NEB: variants seen among roughly 807,000 people sequenced by gnomAD.
The protein encoded by NEB is nebulin.
Under a neutral mutation model 952.2 loss-of-function variants are expected in NEB, and 512 were observed. That is an observed-to-expected ratio of 0.54 (90% CI 0.50 to 0.58). NEB has a LOEUF of 0.58. Ranked by LOEUF, NEB falls within the 20% of genes least tolerant of loss-of-function variation. NEB has a pLI of 0.00. For missense variants in NEB, 8,428 were observed against 9,231.1 expected (o/e 0.91, Z 3.56); for synonymous variants, 2,900 against 3,149.8 (o/e 0.92, Z 2.66).
chr2:151,542,968 T>G (rs1366113846), intron 135 of NEB, among the ~76,000 whole-genome samples: 1 of 152,210 alleles, frequency 6.6e-6, no homozygotes, highest in African/African-American at 2.4e-5. Context: ...TTACTGGAAC[T>G]CATTATGGCT....
rs1038337047 is a variant in NEB, at chr2:151,631,445, A to G, written c.9415-99T>C. On this transcript the variant is annotated intron_variant, in intron 65 of 181. Coordinates refer to ENST00000397345, the MANE Select transcript of NEB (RefSeq NM_001164508.2). ...GTAATAAAGTGCAATTCTGTTTTCT[A>G]TTCGTAGAAAACAAGCGCGTTGTAT... is the stretch of plus-strand genomic sequence containing the variant. The G allele has an allele frequency of 3.0e-6, 4 of 1,324,214 alleles. No individual in the cohort carries two copies. The African/African-American group carries it at 5.9e-5, about 20-fold the overall frequency. The allele number at this position is 1,324,214 out of a possible 1,614,324, so 82.0% of individuals were successfully genotyped here.
At chr2:151,653,908 G>C (rs966772320) in intron 52 of NEB, 84 bp downstream of exon 52, 6 of 825,900 alleles carry the variant, frequency 7.3e-6, no homozygotes, top group Non-Finnish European at 1.2e-5. Flanking sequence ...GAAAGGTAAA[G>C]ACTATCCATA....
rs1307944333 is a variant in NEB at position 151,654,031 on chromosome 2, A to G, written c.6876T>C (p.Ser2292=). The part of the protein sequence containing the change: ...KGYDLPVDAI[S]VQLAKASRDI... ...CTCTTGAAGCTTTAGCTAGCTGTAC[A>G]GAAATTGCATCAACTGGGAGATCAT... The change falls in exon 52 of 182, where the codon TCT becomes TCC. Residue 2292 remains serine, a synonymous_variant. Coordinates refer to ENST00000397345, the MANE Select transcript of NEB (RefSeq NM_001164508.2). 5 of 1,612,748 alleles carry G rather than the reference A, an allele frequency of 3.1e-6. No individual in the cohort carries two copies. The East Asian group carries it at 6.7e-5, about 22-fold the overall frequency.
intron 111 of NEB, 28 bp from the exon 112 acceptor site, chr2:151,568,445 G>A: frequency 6.4e-7 from 1 of 1,569,952 alleles, no homozygotes; most frequent in South Asian, 1.1e-5. Context: ...AGAGGCAAGG[G>A]GGCAAGTTAC....
rs5835379 is a variant in NEB, at chr2:151,717,855, C to CTTTT, written c.718-339_718-336dup. ...GACTTGACCATATACCTCCTTTGTT[C>CTTTT]TTTTTTTTTTTTTTTTGAGACGGAG... On this transcript the variant is annotated intron_variant, in intron 9 of 181. Transcript: ENST00000397345. Among the ~76,000 whole-genome samples the CTTTT allele has an allele frequency of 6.3e-4, 89 of 140,242 alleles. 35 individuals carry two copies. Among genetic ancestry groups the CTTTT allele is most frequent in the Non-Finnish European group, 7.7e-4 (51 of 65,842 alleles). 92.0% of individuals were successfully genotyped at this position (140,242 alleles called of 152,430 possible).
At chr2:151,572,378 C>G (rs565400770) in intron 107 of NEB, among the ~76,000 whole-genome samples, 1 of 151,100 alleles carries the variant, frequency 6.6e-6, no homozygotes, top group African/African-American at 2.4e-5. Context: ...TTAATGCAAA[C>G]GTGTATTATG....
At chr2:151,718,773 C>T (rs1303860601) in intron 9 of NEB, among the ~76,000 whole-genome samples, 1 of 152,200 alleles carries the variant, frequency 6.6e-6, no homozygotes. Flanking sequence ...AGACTTCTAT[C>T]ACCTTAAAAT....
intron 142 of NEB, chr2:151,534,255 C>T (rs1373052798): frequency 1.2e-6 from 2 of 1,613,654 alleles, no homozygotes; most frequent in Non-Finnish European, 1.7e-6. Flanking sequence ...CAGCAGATGT[C>T]TAGGCTCATC....
chr2:151,690,829 G>C lies in NEB; in HGVS notation c.2212-4C>G, dbSNP rs781315546. 29 of 1,553,480 alleles carry C rather than the reference G, an allele frequency of 1.9e-5. No homozygotes were observed. The African/African-American group carries it at 3.7e-4, about 20-fold the overall frequency. On this transcript the variant is annotated splice_region_variant and splice_polypyrimidine_tract_variant and intron_variant, in intron 23 of 181. Coordinates refer to ENST00000397345, the MANE Select transcript of NEB (RefSeq NM_001164508.2). ...CTGGATGAACTTTGTAGGTATGCTAGAAAAGAAGATGTTCTTTAATGAAAT... is the reference window on the plus strand; with the variant it reads ...CTGGATGAACTTTGTAGGTATGCTACAAAAGAAGATGTTCTTTAATGAAAT...
rs753098235 is a variant in NEB at position 151,567,506 on chromosome 2, A to T, written c.17845-27T>A. 4 of 1,565,072 alleles carry T rather than the reference A, an allele frequency of 2.6e-6. No individual in the cohort carries two copies. The East Asian group carries it at 9.3e-5, about 36-fold the overall frequency. ...TGGCGAGAAGAGGAATATAAATTCC[A>T]TCAGTTTTGACAAGCACACAAGGCA... is the stretch of plus-strand genomic sequence containing the variant. On this transcript the variant is annotated intron_variant, in intron 113 of 181. Coordinates refer to ENST00000397345, the MANE Select transcript of NEB (RefSeq NM_001164508.2).
intron 165 of NEB, among the ~76,000 whole-genome samples, chr2:151,503,811 T>C (rs1459304950): frequency 6.6e-6 from 1 of 152,196 alleles, no homozygotes; most frequent in Non-Finnish European, 1.5e-5. Context: ...TTGCTTGGTT[T>C]AAAATTTTCC....
At chr2:151,643,719 A>G in intron 57 of NEB, 99 bp downstream of exon 57, 1 of 1,522,986 alleles carries the variant, frequency 6.6e-7, no homozygotes, top group Non-Finnish European at 8.9e-7. Context: ...GCATTAGTCC[A>G]GGGTAATTGT....
At chr2:151,498,924 T>TAACA (rs1553559573) in intron 169 of NEB, among the ~76,000 whole-genome samples, 3 of 151,512 alleles carry the variant, frequency 2.0e-5, no homozygotes, top group African/African-American at 4.8e-5. Flanking sequence ...TCTGTACAAA[T>TAACA]AACAGTAGAG....
chr2:151,724,292 G>A lies in NEB; in HGVS notation c.580C>T (p.Gln194Ter), dbSNP rs1032240985. The A allele has an allele frequency of 6.2e-6, 10 of 1,613,010 alleles. No homozygotes were observed. The highest frequency in any genetic ancestry group is 1.3e-5 in the African/African-American group (1 of 74,880). Residue 194 changes from glutamine (Q) to a stop codon, truncating the protein, a stop_gained, in exon 8 of 182, where the codon CAG becomes TAG. Coordinates refer to ENST00000397345, the MANE Select transcript of NEB (RefSeq NM_001164508.2). LOFTEE classifies it high-confidence loss of function. ...AACATGGCGGTGTTCTTAACGGCCT[G>A]GACAAGTTCAGGGGCATCAGGAGGA... is the stretch of plus-strand genomic sequence containing the variant. ...LLPPDAPELV[Q>*]AVKNTAMFSK...
intron 72 of NEB, 67 bp from the exon 73 acceptor site, chr2:151,619,829 G>A (rs1274678095): frequency 6.7e-7 from 1 of 1,485,320 alleles, no homozygotes; most frequent in African/African-American, 1.4e-5. Flanking sequence ...TCTTTCTGTG[G>A]TGGTGCTTTC....
rs115014990 is a variant in NEB, at chr2:151,708,473, G to A, written c.1035+1183C>T. Among the ~76,000 whole-genome samples, 992 of 152,014 alleles carry A rather than the reference G, an allele frequency of 6.5e-3. 12 individuals are homozygous for A. The highest frequency in any genetic ancestry group is 0.057 in the East Asian group (296 of 5,170). Reference sequence around the variant, plus strand: ...CTTCCCCCTTCACTTGCTTCCCAACGCATTGCCCTCTCCTGATTTTGCTTC... The same window carrying A: ...CTTCCCCCTTCACTTGCTTCCCAACACATTGCCCTCTCCTGATTTTGCTTC... On this transcript the variant is annotated intron_variant, in intron 12 of 181. Coordinates refer to ENST00000397345, the MANE Select transcript of NEB (RefSeq NM_001164508.2).
At position 151,502,788 on chromosome 2, in the gene NEB, A is replaced by G; in HGVS notation, c.23928+5T>C. 1 of 1,569,570 alleles carries G rather than the reference A, an allele frequency of 6.4e-7. No individual in the cohort carries two copies. Among genetic ancestry groups the G allele is most frequent in the Non-Finnish European group, 8.8e-7 (1 of 1,141,750 alleles). On this transcript the variant is annotated splice_donor_5th_base_variant and intron_variant, in intron 167 of 181. Coordinates refer to ENST00000397345, the MANE Select transcript of NEB (RefSeq NM_001164508.2). ...TTTTTTTTTTTTTGGCCCCCTAAGA[A>G]ATACCGAGCTAAAGTTCTCTTGATT... is the stretch of plus-strand genomic sequence containing the variant.
chr2:151,526,373 A>AT, intron 148 of NEB, 111 bp from the exon 149 acceptor site: 1 of 775,412 alleles, frequency 1.3e-6, no homozygotes, highest in Admixed American at 2.3e-5. Flanking sequence ...AAACTCAATA[A>AT]AAGATGTGAT....
At chr2:151,509,037 G>A (rs1191646788) in intron 161 of NEB, among the ~76,000 whole-genome samples, 1 of 152,184 alleles carries the variant, frequency 6.6e-6, no homozygotes, top group African/African-American at 2.4e-5. Context: ...TAGGGCTGAG[G>A]GCTGAGGAAT....
Sources: gnomAD v4.1 joint callset for allele counts (sites outside exome capture counted in the v4.1 genomes callset) on GRCh38, gnomAD v4.1.1 for gene constraint, MANE v1.5 for transcripts, NCBI Gene and HGNC (gene_info 2026-07-23, HGNC 2026-07-21) for gene names.